The following MKRN1 variants were observed in gnomAD, a reference collection of about 807,000 sequenced individuals.
MKRN1 encodes makorin ring finger protein 1.
A neutral mutation model predicts 55.5 loss-of-function variants in MKRN1; 9 were observed. That is an observed-to-expected ratio of 0.16 (90% CI 0.10 to 0.28). The LOEUF (loss-of-function observed/expected upper bound fraction) is 0.28. MKRN1 is among the 10% of genes least tolerant of loss of function. The pLI is 1.00. For synonymous variants in MKRN1, 253 were observed against 235.9 expected (o/e 1.07, Z -0.66); for missense variants, 488 against 626.7 (o/e 0.78, Z 2.36).
chr7:140,463,800 G>A (rs1019267781), intron 2 of MKRN1, among the ~76,000 whole-genome samples: 3 of 152,020 alleles, frequency 2.0e-5, no homozygotes, highest in Non-Finnish European at 2.9e-5. Flanking sequence ...GAGGAGAATG[G>A]CGTGAACCTG....
chr7:140,464,861 T>C (rs1794726117), intron 2 of MKRN1, among the ~76,000 whole-genome samples: 1 of 152,132 alleles, frequency 6.6e-6, no homozygotes, highest in Non-Finnish European at 1.5e-5. Flanking sequence ...ACAATCACAA[T>C]TCACTGCGCC....
chr7:140,461,526 A>G (rs1563089670), intron 2 of MKRN1, among the ~76,000 whole-genome samples: 1 of 151,744 alleles, frequency 6.6e-6, no homozygotes, highest in Non-Finnish European at 1.5e-5. Context: ...CCAGCTACTC[A>G]GGAGAGGCTG....
chr7:140,467,665 C>T (rs1794811679), intron 2 of MKRN1, among the ~76,000 whole-genome samples: 1 of 152,134 alleles, frequency 6.6e-6, no homozygotes, highest in African/African-American at 2.4e-5. Flanking sequence ...TGGTCTCAAA[C>T]TATTTGGGGC....
chr7:140,455,960 G>A lies in MKRN1; in HGVS notation c.987-60C>T, dbSNP rs765625644. ...CCCTTTTACAGGCCCACTCTTCAAG[G>A]ACACACCCTGGTGTGTCGCCTCCAG... On this transcript the variant is annotated intron_variant, in intron 5 of 7. Transcript: ENST00000255977. The A allele has an allele frequency of 4.2e-6, 6 of 1,432,258 alleles. No individual in the cohort carries two copies. The African/African-American group carries it at 4.2e-5, about 10-fold the overall frequency. 88.7% of individuals were successfully genotyped at this position (1,432,258 alleles called of 1,614,324 possible).
rs768673416 is a variant in MKRN1 at position 140,479,245 on chromosome 7, C to T, written c.100G>A (p.Val34Ile). ...CCCGCCCCCAGGGACGGGGCGGTGA[C>T]TGTGGGGATCGGGGTGGGGGAGGCT... is the stretch of plus-strand genomic sequence containing the variant. ...AAASPTPIPT[V>I]TAPSLGAGGG... Residue 34 changes from valine to isoleucine, a missense_variant, in exon 1 of 8, where the codon GTC becomes ATC. Val to Ile is a conservative substitution (Grantham distance 29). This residue lies in a region of MKRN1 where 210 missense variants were observed against 220.0 expected (regional missense o/e 0.95). Transcript: ENST00000255977. 5.6e-6 allele frequency: 8 copies of T among 1,427,904 alleles called. No individual in the cohort carries two copies. In the African/African-American group the frequency reaches 1.1e-4, roughly 19 times the overall value. 88.5% of individuals were successfully genotyped at this position (1,427,904 alleles called of 1,614,324 possible).
chr7:140,477,587 G>T (rs1458216347), intron 1 of MKRN1, among the ~76,000 whole-genome samples: 2 of 152,114 alleles, frequency 1.3e-5, no homozygotes, highest in Non-Finnish European at 2.9e-5. Flanking sequence ...CTCCCAAAGT[G>T]CTGGGATTAC....
intron 2 of MKRN1, among the ~76,000 whole-genome samples, chr7:140,464,597 C>T (rs1021240782): frequency 6.6e-5 from 10 of 151,886 alleles, no homozygotes; most frequent in Admixed American, 2.0e-4. Flanking sequence ...CTCAGCTACT[C>T]GGGAGACTGA....
intron 1 of MKRN1, among the ~76,000 whole-genome samples, chr7:140,476,337 A>C (rs1159422182): frequency 6.6e-6 from 1 of 152,020 alleles, no homozygotes; most frequent in Non-Finnish European, 1.5e-5. Flanking sequence ...AAAAATATAC[A>C]TGTGGCCGGG....
At chr7:140,472,855 C>T (rs975396812) in intron 1 of MKRN1, among the ~76,000 whole-genome samples, 1 of 151,700 alleles carries the variant, frequency 6.6e-6, no homozygotes, top group African/African-American at 2.4e-5. Flanking sequence ...TGGTGGCCCA[C>T]ACCTGTAATC....
chr7:140,475,571 G>A (rs918117572), intron 1 of MKRN1, among the ~76,000 whole-genome samples: 4 of 152,146 alleles, frequency 2.6e-5, no homozygotes, highest in Admixed American at 2.6e-4. Flanking sequence ...GGTTCAAGCA[G>A]GAGGATTGCT....
intron 4 of MKRN1, among the ~76,000 whole-genome samples, chr7:140,458,792 A>G (rs1423472082): frequency 6.6e-6 from 1 of 152,140 alleles, no homozygotes; most frequent in Non-Finnish European, 1.5e-5. Context: ...AGTAGCTGGG[A>G]CTATAGACAC....
intron 1 of MKRN1, chr7:140,478,546 G>A (rs1333583306): frequency 6.6e-6 from 1 of 151,668 alleles, no homozygotes; most frequent in Non-Finnish European, 1.5e-5. Context: ...ACAAAGCTCA[G>A]CACCGCCAAC....
Position 140,460,031 on chromosome 7 carries a change from G to A in MKRN1, c.315-95C>T. On this transcript the variant is annotated intron_variant, in intron 2 of 7. Transcript: ENST00000255977. The stretch of plus-strand genomic sequence containing the variant: ...GGAAGCTGAGGTGGGTGGATCACCA[G>A]AGAGGTTGGGAGTTCGAGACCAGCC... 3 of 1,068,826 alleles carry A rather than the reference G, an allele frequency of 2.8e-6. No homozygotes were observed. In the East Asian group the frequency reaches 7.5e-5, roughly 27 times the overall value. The allele number at this position is 1,068,826 out of a possible 1,614,324, so 66.2% of individuals were successfully genotyped here.
rs1795212242 is a variant in MKRN1 at position 140,479,122 on chromosome 7, C to A, written c.185+38G>T. 3.1e-6 allele frequency: 4 copies of A among 1,295,508 alleles called. No homozygotes were observed. In the Admixed American group the frequency reaches 1.7e-4, roughly 55 times the overall value. The allele number at this position is 1,295,508 out of a possible 1,614,324, so 80.3% of individuals were successfully genotyped here. A position where few individuals can be genotyped will look rare whatever the true frequency, so the allele number is the denominator to read the frequency against. On this transcript the variant is annotated intron_variant, in intron 1 of 7. Transcript: ENST00000255977. Reference sequence around the variant, plus strand: ...GCGCCGCAGGCTTGGCCCGCGGCCCCCTCCCCGCGCCCGGCGCTCCGCCGC... The same window carrying A: ...GCGCCGCAGGCTTGGCCCGCGGCCCACTCCCCGCGCCCGGCGCTCCGCCGC...
At chr7:140,468,729 A>T (rs1794839654) in intron 2 of MKRN1, among the ~76,000 whole-genome samples, 1 of 150,380 alleles carries the variant, frequency 6.6e-6, no homozygotes, top group South Asian at 2.1e-4. Context: ...AAAAAAAGAC[A>T]TGCCTGGTGG....
intron 1 of MKRN1, among the ~76,000 whole-genome samples, chr7:140,474,005 A>AAAAGAAGAAAG (rs1795025763): frequency 1.5e-5 from 1 of 65,658 alleles, no homozygotes; most frequent in Non-Finnish European, 2.7e-5. Context: ...AAAAAAAAAA[A>AAAAGAAGAAAG]AAAGAAAGAA....
At chr7:140,473,947 G>A (rs924752762) in intron 1 of MKRN1, 1 of 145,368 alleles carries the variant, frequency 6.9e-6, no homozygotes, top group African/African-American at 2.5e-5. Context: ...AGCCAAGATT[G>A]TATCACTGCA....
rs1244558610 is a variant in MKRN1 at position 140,455,898 on chromosome 7, G to A, written c.989C>T (p.Ser330Phe). The A allele has an allele frequency of 6.2e-7, 1 of 1,611,644 alleles. No homozygotes were observed. Among genetic ancestry groups the A allele is most frequent in the Non-Finnish European group, 8.5e-7 (1 of 1,177,916 alleles). Residue 330 changes from serine to phenylalanine, a missense_variant and splice_region_variant, in exon 6 of 8, where the codon TCC becomes TTC. This residue lies in a region of MKRN1 where 278 missense variants were observed against 406.7 expected (regional missense o/e 0.68). Coordinates refer to ENST00000255977, the MANE Select transcript of MKRN1 (RefSeq NM_013446.4). ...AKQFESKIIK[S>F]CPECRITSNF... ...AGATGTGATCCGGCATTCTGGGCAG[G>A]ACCTGGGAAACAATGAACAGGCTGC...
chr7:140,462,505 C>A (rs1424905071), intron 2 of MKRN1, among the ~76,000 whole-genome samples: 1 of 152,158 alleles, frequency 6.6e-6, no homozygotes, highest in Non-Finnish European at 1.5e-5. Context: ...AGGCTCTACT[C>A]CAGCTTATGG....
Sources: gnomAD v4.1 joint callset for allele counts (sites outside exome capture counted in the v4.1 genomes callset) on GRCh38, gnomAD v4.1.1 for gene constraint, gnomAD v4.1.1 regional missense constraint, MANE v1.5 for transcripts, NCBI Gene and HGNC (gene_info 2026-07-23, HGNC 2026-07-21) for gene names.